The following STON1 variants were observed in gnomAD, a reference collection of about 807,000 sequenced individuals.
STON1 encodes stonin 1.
Under a neutral mutation model 60.9 loss-of-function variants are expected in STON1, and 79 were observed. That is an observed-to-expected ratio of 1.30 (90% CI 1.08 to 1.56). The LOEUF is 1.56. STON1 is among the 40% of genes most tolerant of loss of function. The probability of loss-of-function intolerance (pLI) is 0.00; values close to 1 mark genes in which losing one functional copy is unlikely to be tolerated. For synonymous variants in STON1, 363 were observed against 306.9 expected (o/e 1.18, Z -1.91); for missense variants, 1,166 against 858.9 (o/e 1.36, Z -4.47).
chr2:48,589,943 A>C (rs1047940580), intron 2 of STON1, among the ~76,000 whole-genome samples: 1 of 152,206 alleles, frequency 6.6e-6, no homozygotes, highest in Admixed American at 6.6e-5. Context: ...GTTAATCCTC[A>C]CAACAGCCCT....
chr2:48,540,614 A>G (rs188372167), intron 1 of STON1, among the ~76,000 whole-genome samples: 2 of 152,334 alleles, frequency 1.3e-5, no homozygotes, highest in African/African-American at 2.4e-5. Flanking sequence ...AGTATTCTTT[A>G]TAGTAAACCA....
chr2:48,541,521 T>TAAAAAAAA (rs1276920612), intron 1 of STON1, among the ~76,000 whole-genome samples: 2 of 92,374 alleles, frequency 2.2e-5, no homozygotes, highest in Non-Finnish European at 4.4e-5. Context: ...CCATCTCTAC[T>TAAAAAAAA]AAAAAAAAAA....
intron 1 of STON1, among the ~76,000 whole-genome samples, chr2:48,580,187 T>A (rs1162019712): frequency 6.6e-6 from 1 of 152,156 alleles, no homozygotes; most frequent in African/African-American, 2.4e-5. Context: ...GGATTACAGT[T>A]GTGACCCACC....
At position 48,556,530 on chromosome 2, in the gene STON1, C is replaced by G. The variant is rs1334765363; in HGVS notation, c.-47-24057C>G. ...CTGGCCGGGCGGGGCGCTGACCCCCCCACCTCCCTCCCGGACGGGGCGGCT... is the reference window on the plus strand; with the variant it reads ...CTGGCCGGGCGGGGCGCTGACCCCCGCACCTCCCTCCCGGACGGGGCGGCT... On this transcript the variant is annotated intron_variant, in intron 1 of 3. Transcript: ENST00000404752. Among the ~76,000 whole-genome samples, 23 of 6,242 alleles carry G rather than the reference C, an allele frequency of 3.7e-3. 1 individual carries two copies. Among genetic ancestry groups the G allele is most frequent in the South Asian group, 7.0e-3 (1 of 142 alleles). 4.1% of individuals were successfully genotyped at this position (6,242 alleles called of 152,430 possible). A position where few individuals can be genotyped will look rare whatever the true frequency, so the allele number is the denominator to read the frequency against.
chr2:48,577,567 C>G (rs908995769), intron 1 of STON1, among the ~76,000 whole-genome samples: 1 of 148,392 alleles, frequency 6.7e-6, no homozygotes, highest in Non-Finnish European at 1.5e-5. Context: ...AGCGACAGAG[C>G]GAGACTCCGT....
intron 3 of STON1, among the ~76,000 whole-genome samples, chr2:48,592,990 C>G (rs979325913): frequency 6.6e-6 from 1 of 152,266 alleles, no homozygotes; most frequent in Non-Finnish European, 1.5e-5. Context: ...GGAGGACATA[C>G]ACTTACATCT....
chr2:48,576,004 T>A (rs1357032389), intron 1 of STON1, among the ~76,000 whole-genome samples: 1 of 151,552 alleles, frequency 6.6e-6, no homozygotes, highest in South Asian at 2.1e-4. Flanking sequence ...GTGATCCACC[T>A]GTCTTGGCCT....
chr2:48,581,822 C>A lies in STON1; in HGVS notation c.1189C>A (p.Leu397Met). 1 of 1,614,170 alleles carries A rather than the reference C, an allele frequency of 6.2e-7. No individual in the cohort carries two copies. The change falls in exon 2 of 4, where the codon CTG (leucine) becomes ATG (methionine). Residue 397 changes from leucine to methionine, a missense_variant. Coordinates refer to ENST00000404752, the MANE Select transcript of STON1 (RefSeq NM_006873.4). ...CTTTCTGACTACTGTGGAGGAGGAG[C>A]TGATGAAGTTGCCAGCTGTTTCAAA... ...LDFLTTVEEE[L>M]MKLPAVSKPK...
intron 1 of STON1, among the ~76,000 whole-genome samples, chr2:48,562,947 G>T (rs1048534320): frequency 1.3e-5 from 2 of 152,214 alleles, no homozygotes; most frequent in African/African-American, 4.8e-5. Flanking sequence ...TCCCCAGAGA[G>T]AACAGCCCAA....
intron 3 of STON1, among the ~76,000 whole-genome samples, chr2:48,594,202 T>A (rs1270586678): frequency 6.6e-6 from 1 of 152,050 alleles, no homozygotes; most frequent in Non-Finnish European, 1.5e-5. Context: ...CATCTCAGAG[T>A]TTATTTCTTG....
At chr2:48,548,592 G>T (rs189552054) in intron 1 of STON1, among the ~76,000 whole-genome samples, 2 of 150,714 alleles carry the variant, frequency 1.3e-5, no homozygotes, top group African/African-American at 2.4e-5. Flanking sequence ...TCCACCTCCC[G>T]AGTTCAAGTG....
Position 48,535,274 on chromosome 2 carries a change from C to T in STON1, c.-48+5058C>T, listed in dbSNP as rs1013990554. 4.6e-5 allele frequency among the ~76,000 whole-genome samples: 7 copies of T among 152,144 alleles called. 1 individual carries two copies. The highest frequency in any genetic ancestry group is 1.0e-4 in the Non-Finnish European group (7 of 67,982). ...ATTGCTGGATGCTTATTACTATGAA[C>T]ACACAACAATAAATTATCTTTCGAA... On this transcript the variant is annotated intron_variant, in intron 1 of 3. Transcript: ENST00000404752.
chr2:48,580,444 G>A, intron 1 of STON1, 143 bp from the exon 2 acceptor site: 1 of 838,532 alleles, frequency 1.2e-6, no homozygotes. Context: ...ACAGCATACA[G>A]TTGGATCATG....
At chr2:48,553,422 C>T (rs1250048601) in intron 1 of STON1, among the ~76,000 whole-genome samples, 1 of 150,606 alleles carries the variant, frequency 6.6e-6, no homozygotes, top group Non-Finnish European at 1.5e-5. Flanking sequence ...CTCCGCTCTT[C>T]CTCCTCCCTT....
At chr2:48,568,614 G>A (rs1673049734) in intron 1 of STON1, among the ~76,000 whole-genome samples, 2 of 152,100 alleles carry the variant, frequency 1.3e-5, no homozygotes. Flanking sequence ...CTATTTATTA[G>A]ACAACAATTC....
At position 48,588,959 on chromosome 2, in the gene STON1, G is replaced by A. The variant is rs1489457146; in HGVS notation, c.1931-2694G>A. Among the ~76,000 whole-genome samples, 3 of 152,054 alleles carry A rather than the reference G, an allele frequency of 2.0e-5. No individual in the cohort carries two copies. The South Asian group carries it at 6.2e-4, about 32-fold the overall frequency. ...AGCAGAGGAGCTTAGGCTTTGTTGG[G>A]GTGATAGAGAGAGAAAGAGAAAGGA... On this transcript the variant is annotated intron_variant, in intron 2 of 3. Transcript: ENST00000404752.
intron 1 of STON1, among the ~76,000 whole-genome samples, chr2:48,567,391 A>G (rs575114024): frequency 2.7e-3 from 408 of 152,224 alleles, no homozygotes; most frequent in Non-Finnish European, 5.0e-3. Flanking sequence ...GAAGCCTTTT[A>G]CAGGAATGAT....
intron 1 of STON1, among the ~76,000 whole-genome samples, chr2:48,543,964 T>C (rs1398728400): frequency 6.6e-6 from 1 of 151,704 alleles, no homozygotes; most frequent in East Asian, 1.9e-4. Context: ...TAGGTGGGGG[T>C]AGGGAATCAC....
chr2:48,594,811 G>C (rs1674709911), intron 3 of STON1, among the ~76,000 whole-genome samples: 1 of 152,100 alleles, frequency 6.6e-6, no homozygotes, highest in Admixed American at 6.5e-5. Flanking sequence ...AAGATGGCTT[G>C]TTTCAATTAG....
Sources: allele counts gnomAD v4.1 joint callset (sites outside exome capture counted in the v4.1 genomes callset), GRCh38; gene constraint gnomAD v4.1.1; transcripts MANE v1.5; gene names NCBI Gene and HGNC (gene_info 2026-07-23, HGNC 2026-07-21).